ZNF865: variants seen among roughly 807,000 people sequenced by gnomAD.
ZNF865 encodes the protein zinc finger protein 865.
For synonymous variants in ZNF865, 763 were observed against 750.8 expected (o/e 1.02, Z -0.27); for missense variants, 1,311 against 1,593.4 (o/e 0.82, Z 3.02).
chr19:55,614,823 C>G lies in ZNF865; in HGVS notation c.1205C>G (p.Ala402Gly). The G allele has an allele frequency of 6.5e-7, 1 of 1,538,672 alleles. No homozygotes were observed. The highest frequency in any genetic ancestry group is 8.7e-7 in the Non-Finnish European group (1 of 1,149,436). Residue 402 changes from alanine to glycine, a missense_variant, in exon 2 of 2, where the codon GCC (alanine) becomes GGC (glycine). Coordinates refer to ENST00000568956, the MANE Select transcript of ZNF865 (RefSeq NM_001195605.2). The surrounding 1 kb of genome is among the most constrained non-coding windows in gnomAD (Gnocchi z 8.0). ...AAGCGCCACGTGAAGACGCACTCGGCCGACCTCCTGCGCCTGCCCTGCGGC... is the reference window on the plus strand; with the variant it reads ...AAGCGCCACGTGAAGACGCACTCGGGCGACCTCCTGCGCCTGCCCTGCGGC... ...SLKRHVKTHS[A>G]DLLRLPCGIC...
At chr19:55,606,082 C>G (rs1054909636) in intron 1 of ZNF865, among the ~76,000 whole-genome samples, 1 of 152,152 alleles carries the variant, frequency 6.6e-6, no homozygotes, top group Non-Finnish European at 1.5e-5. Flanking sequence ...AGCATTGCCC[C>G]TCCCCATGTA....
chr19:55,615,668 G>C lies in ZNF865; in HGVS notation c.2050G>C (p.Val684Leu). ...CGEHFPDLFH[V>L]MSHKEVHMAE... is the part of the protein sequence containing the mutation. ...CGAGCACTTCCCGGATCTCTTTCAC[G>C]TCATGAGTCACAAGGAGGTCCACAT... The change falls in exon 2 of 2, where the codon GTC (valine) becomes CTC (leucine). Residue 684 changes from valine to leucine, a missense_variant. By Grantham distance (32) the Val-to-Leu change is conservative. Coordinates refer to ENST00000568956, the MANE Select transcript of ZNF865 (RefSeq NM_001195605.2). 6.5e-7 allele frequency: 1 copy of C among 1,534,642 alleles called. No individual in the cohort carries two copies. Among genetic ancestry groups the C allele is most frequent in the Non-Finnish European group, 8.7e-7 (1 of 1,146,298 alleles).
In ZNF865 at chr19:55,616,507, G is replaced by A. The variant is rs772137356; in HGVS notation, c.2889G>A (p.Glu963=). The part of the protein sequence containing the change: ...LHLGERAYRC[E]HCGKGFFYLS... ...TGGGCGAGCGCGCCTACCGCTGTGA[G>A]CACTGCGGCAAGGGCTTCTTCTACC... is the stretch of plus-strand genomic sequence containing the variant. The change falls in exon 2 of 2, where the codon GAG becomes GAA. Residue 963 remains glutamate (E), a synonymous_variant. Transcript: ENST00000568956. The A allele has an allele frequency of 3.9e-6, 6 of 1,534,686 alleles. No individual in the cohort carries two copies. The South Asian group carries it at 7.1e-5, about 18-fold the overall frequency.
intron 1 of ZNF865, among the ~76,000 whole-genome samples, chr19:55,609,901 A>C (rs1981070676): frequency 6.6e-6 from 1 of 152,202 alleles, no homozygotes; most frequent in Non-Finnish European, 1.5e-5. Context: ...TGAAAGAGGG[A>C]ATGTTTCTGG....
At position 55,617,077 on chromosome 19, in the gene ZNF865, C is replaced by G. The variant is rs1395753556; in HGVS notation, c.*279C>G. The G allele has an allele frequency of 1.1e-5, 4 of 362,662 alleles. No homozygotes were observed. In the Admixed American group the frequency reaches 1.4e-4, roughly 13 times the overall value. 22.5% of individuals were successfully genotyped at this position (362,662 alleles called of 1,614,324 possible). ...CCCCCGCCCCAGCAGCACTCTGCCC[C>G]CAGTAAGTTTTGGCGGAGATGGGTC... On this transcript the variant is annotated 3_prime_UTR_variant, in exon 2 of 2. Transcript: ENST00000568956.
Position 55,616,268 on chromosome 19 carries a change from G to C in ZNF865, c.2650G>C (p.Gly884Arg), listed in dbSNP as rs1339275286. The change falls in exon 2 of 2, where the codon GGC becomes CGC. Residue 884 changes from glycine to arginine, a missense_variant. Transcript: ENST00000568956. ...RPYRCGVCGR[G>R]FLRSWYLRQH... ...GTACCGATGTGGCGTGTGCGGCCGA[G>C]GCTTCCTGCGCTCCTGGTACCTGCG... 2 of 1,520,242 alleles carry C rather than the reference G, an allele frequency of 1.3e-6. No individual in the cohort carries two copies. Among genetic ancestry groups the C allele is most frequent in the South Asian group, 2.4e-5 (2 of 82,758 alleles). 94.2% of individuals were successfully genotyped at this position (1,520,242 alleles called of 1,614,324 possible).
intron 1 of ZNF865, among the ~76,000 whole-genome samples, chr19:55,612,281 CA>C (rs1981165666): frequency 6.6e-6 from 1 of 152,144 alleles, no homozygotes; most frequent in South Asian, 2.1e-4. Flanking sequence ...TGTCCAAGCC[CA>C]GGGTCTGTGT....
chr19:55,611,006 T>G lies in ZNF865; in HGVS notation c.-26-2587T>G, dbSNP rs1304485949. On this transcript the variant is annotated intron_variant, in intron 1 of 1. Transcript: ENST00000568956. The surrounding 1 kb of genome is among the most constrained non-coding windows in gnomAD (Gnocchi z 4.5). ...TCCCTAAATAAAGCTCTTATCCTGA[T>G]AGTTCTCCCCTCACCTTTGTTCACT... is the stretch of plus-strand genomic sequence containing the variant. Among the ~76,000 whole-genome samples, 7 of 152,140 alleles carry G rather than the reference T, an allele frequency of 4.6e-5. No individual in the cohort carries two copies. Among genetic ancestry groups the G allele is most frequent in the Admixed American group, 4.6e-4 (7 of 15,276 alleles).
Position 55,611,375 on chromosome 19 carries a change from A to G in ZNF865, c.-26-2218A>G, listed in dbSNP as rs888689923. Among the ~76,000 whole-genome samples the G allele has an allele frequency of 2.6e-5, 4 of 151,748 alleles. No individual in the cohort carries two copies. The highest frequency in any genetic ancestry group is 5.9e-5 in the Non-Finnish European group (4 of 67,950). ...CCCATAGCGCCCTAAATCACCCCCT[A>G]TTCCCTGCATCCTTATGGCCTGTGT... On this transcript the variant is annotated intron_variant, in intron 1 of 1. Transcript: ENST00000568956. This position sits in a 1 kb window ranked among gnomAD's most constrained non-coding sequence, Gnocchi z 4.5.
chr19:55,616,442 C>T lies in ZNF865; in HGVS notation c.2824C>T (p.Arg942Cys). ...CTGCAGCGCCTGTGGCAAGACCTTC[C>T]GCTACCGCTCCAACCTGCTGGAGCA... ...QRCSACGKTFRYRSNLLEHQR... is the reference protein window; with the variant it reads ...QRCSACGKTFCYRSNLLEHQR... The change falls in exon 2 of 2, where the codon CGC becomes TGC. Residue 942 changes from arginine (R) to cysteine (C), a missense_variant. Transcript: ENST00000568956. The T allele has an allele frequency of 6.6e-7, 1 of 1,524,174 alleles. No homozygotes were observed. Among genetic ancestry groups the T allele is most frequent in the African/African-American group, 1.4e-5 (1 of 72,530 alleles). 94.4% of individuals were successfully genotyped at this position (1,524,174 alleles called of 1,614,324 possible).
chr19:55,609,184 A>G (rs1184249098), intron 1 of ZNF865, among the ~76,000 whole-genome samples: 1 of 152,018 alleles, frequency 6.6e-6, no homozygotes, highest in Non-Finnish European at 1.5e-5. Flanking sequence ...ACACCCGGCT[A>G]ATTTTTTTAT....
At position 55,614,801 on chromosome 19, in the gene ZNF865, C is replaced by T; in HGVS notation, c.1183C>T (p.Arg395Cys). The change falls in exon 2 of 2, where the codon CGC (arginine) becomes TGC (cysteine). Residue 395 changes from arginine (R) to cysteine (C), a missense_variant. Arg to Cys is a radical substitution (Grantham distance 180). Transcript: ENST00000568956. This position sits in a 1 kb window ranked among gnomAD's most constrained non-coding sequence, Gnocchi z 8.0. ...KSFNRRESLK[R>C]HVKTHSADLL... ...CTTCAACCGCAGGGAGAGTCTGAAG[C>T]GCCACGTGAAGACGCACTCGGCCGA... 6.4e-7 allele frequency: 1 copy of T among 1,550,864 alleles called. No individual in the cohort carries two copies. The highest frequency in any genetic ancestry group is 8.6e-7 in the Non-Finnish European group (1 of 1,157,038).
chr19:55,606,852 G>A (rs1980962144), intron 1 of ZNF865, among the ~76,000 whole-genome samples: 1 of 152,228 alleles, frequency 6.6e-6, no homozygotes, highest in Non-Finnish European at 1.5e-5. Flanking sequence ...AAAGATACAC[G>A]GGGTTTTGTG....
chr19:55,616,070 C>A lies in ZNF865; in HGVS notation c.2452C>A (p.Arg818=), dbSNP rs1981347302. The A allele has an allele frequency of 6.6e-7, 1 of 1,511,384 alleles. No individual in the cohort carries two copies. Among genetic ancestry groups the A allele is most frequent in the Non-Finnish European group, 8.8e-7 (1 of 1,134,974 alleles). The allele number at this position is 1,511,384 out of a possible 1,614,324, so 93.6% of individuals were successfully genotyped here. Residue 818 remains arginine, a synonymous_variant, in exon 2 of 2, where the codon CGG becomes AGG. Transcript: ENST00000568956. ...TCACAAGTACGTGCACCTGGTGCGA[C>A]GGACCCTGGGCTGCGGCCTCTGCGG... The part of the protein sequence containing the change: ...VTHKYVHLVR[R]TLGCGLCGQS...
At position 55,616,323 on chromosome 19, in the gene ZNF865, G is replaced by A; in HGVS notation, c.2705G>A (p.Arg902Gln). 1.3e-6 allele frequency: 2 copies of A among 1,522,108 alleles called. No individual in the cohort carries two copies. Among genetic ancestry groups the A allele is most frequent in the Middle Eastern group, 1.7e-4 (1 of 5,896 alleles). The allele number at this position is 1,522,108 out of a possible 1,614,324, so 94.3% of individuals were successfully genotyped here. Reference sequence around the variant, plus strand: ...CACCGCGTGGTGCACACTGGCGAGCGGGCCTTCAAGTGCGGCGTGTGCGCC... The same window carrying A: ...CACCGCGTGGTGCACACTGGCGAGCAGGCCTTCAAGTGCGGCGTGTGCGCC... ...RQHRVVHTGE[R>Q]AFKCGVCAKR... The change falls in exon 2 of 2, where the codon CGG (arginine) becomes CAG (glutamine). Residue 902 changes from arginine to glutamine, a missense_variant. Arg to Gln is a conservative substitution (Grantham distance 43). Coordinates refer to ENST00000568956, the MANE Select transcript of ZNF865 (RefSeq NM_001195605.2).
chr19:55,616,047 A>G lies in ZNF865; in HGVS notation c.2429A>G (p.His810Arg). ...SFKHFLGLVTHKYVHLVRRTL... is the reference protein window; with the variant it reads ...SFKHFLGLVTRKYVHLVRRTL... ...AAGCACTTCCTGGGCCTCGTGACTC[A>G]CAAGTACGTGCACCTGGTGCGACGG... Residue 810 changes from histidine (H) to arginine (R), a missense_variant, in exon 2 of 2, where the codon CAC (histidine) becomes CGC (arginine). Physicochemically the swap from His to Arg is conservative, Grantham distance 29. Transcript: ENST00000568956. 1 of 1,523,578 alleles carries G rather than the reference A, an allele frequency of 6.6e-7. No individual in the cohort carries two copies. The highest frequency in any genetic ancestry group is 8.8e-7 in the Non-Finnish European group (1 of 1,141,170). 94.4% of individuals were successfully genotyped at this position (1,523,578 alleles called of 1,614,324 possible).
At position 55,616,376 on chromosome 19, in the gene ZNF865, G is replaced by A. The variant is rs1325924500; in HGVS notation, c.2758G>A (p.Ala920Thr). 26 of 1,515,246 alleles carry A rather than the reference G, an allele frequency of 1.7e-5. No individual in the cohort carries two copies. Among genetic ancestry groups the A allele is most frequent in the Non-Finnish European group, 2.2e-5 (25 of 1,137,330 alleles). The allele number at this position is 1,515,246 out of a possible 1,614,324, so 93.9% of individuals were successfully genotyped here. A position where few individuals can be genotyped will look rare whatever the true frequency, so the allele number is the denominator to read the frequency against. Reference sequence around the variant, plus strand: ...GCGCTTCGCGCAGTCGTCCAGCCTGGCAGAGCACCGGCGGCTGCACGCTGT... The same window carrying A: ...GCGCTTCGCGCAGTCGTCCAGCCTGACAGAGCACCGGCGGCTGCACGCTGT... ...AKRFAQSSSL[A>T]EHRRLHAVAR... Residue 920 changes from alanine (A) to threonine (T), a missense_variant, in exon 2 of 2, where the codon GCA becomes ACA. Ala to Thr is a moderately conservative substitution (Grantham distance 58, BLOSUM62 0). Coordinates refer to ENST00000568956, the MANE Select transcript of ZNF865 (RefSeq NM_001195605.2).
Position 55,614,549 on chromosome 19 carries a change from A to G in ZNF865, c.931A>G (p.Thr311Ala). 2 of 1,431,430 alleles carry G rather than the reference A, an allele frequency of 1.4e-6. No individual in the cohort carries two copies. Among genetic ancestry groups the G allele is most frequent in the Non-Finnish European group, 1.8e-6 (2 of 1,102,458 alleles). The allele number at this position is 1,431,430 out of a possible 1,614,324, so 88.7% of individuals were successfully genotyped here. A position where few individuals can be genotyped will look rare whatever the true frequency, so the allele number is the denominator to read the frequency against. The change falls in exon 2 of 2, where the codon ACG (threonine) becomes GCG (alanine). Residue 311 changes from threonine (T) to alanine (A), a missense_variant. Physicochemically the swap from Thr to Ala is moderately conservative, Grantham distance 58. Coordinates refer to ENST00000568956, the MANE Select transcript of ZNF865 (RefSeq NM_001195605.2). The surrounding 1 kb of genome is among the most constrained non-coding windows in gnomAD (Gnocchi z 8.0). ...CGCCGCCACCGCCGCCGCCCCCTCC[A>G]CGGTGTCCTCGGGCCCTCCAGCCAC... ...ASAATAAAPSTVSSGPPATPV... is the reference protein window; with the variant it reads ...ASAATAAAPSAVSSGPPATPV...
At position 55,613,780 on chromosome 19, in the gene ZNF865, G is replaced by A. The variant is rs767162197; in HGVS notation, c.162G>A (p.Ala54=). 1.5e-5 allele frequency: 23 copies of A among 1,533,200 alleles called. No homozygotes were observed. The Middle Eastern group carries it at 6.7e-4, about 45-fold the overall frequency. 95.0% of individuals were successfully genotyped at this position (1,533,200 alleles called of 1,614,324 possible). ...PMELYGEHAK[A]VAALPCAPGP... is the part of the protein sequence containing the mutation. ...AACTGTATGGGGAACACGCCAAGGC[G>A]GTGGCGGCCCTGCCCTGCGCCCCCG... is the stretch of plus-strand genomic sequence containing the variant. Residue 54 remains alanine, a synonymous_variant, in exon 2 of 2, where the codon GCG becomes GCA. Transcript: ENST00000568956.
Sources: gnomAD v4.1 joint callset for allele counts (sites outside exome capture counted in the v4.1 genomes callset) on GRCh38, gnomAD v4.1.1 for gene constraint, Gnocchi (gnomAD v3.1) non-coding constraint, MANE v1.5 for transcripts, NCBI Gene and HGNC (gene_info 2026-07-23, HGNC 2026-07-21) for gene names.